Variants in ERC2 observed in about 807,000 individuals in gnomAD.
The protein encoded by ERC2 is ERC protein 2.
In ERC2, 42 loss-of-function variants were observed where a neutral mutation model predicts 114.8. The ratio of observed to expected loss-of-function variants is 0.37; its 90% CI spans 0.29 to 0.47. The LOEUF is 0.47. Among genes scored for constraint, ERC2 ranks in the 20% least tolerant of loss-of-function variants. The pLI, the probability that ERC2 is intolerant of heterozygous loss-of-function variation, is 0.99. For missense variants in ERC2, 939 were observed against 1,150.7 expected, an observed-to-expected ratio of 0.82 and a Z score of 2.66; for synonymous variants, 454 against 425.5, an observed-to-expected ratio of 1.07 and a Z score of -0.82.
At chr3:56,280,748 T>C (rs1215845878) in intron 3 of ERC2, among the ~76,000 whole-genome samples, 1 of 152,212 alleles carries the variant, frequency 6.6e-6, no homozygotes, top group Non-Finnish European at 1.5e-5. Flanking sequence ...ACTATTGCTA[T>C]GGTTATGATA....
chr3:56,253,495 C>T (rs2052318862), intron 3 of ERC2, among the ~76,000 whole-genome samples: 2 of 152,176 alleles, frequency 1.3e-5, no homozygotes, highest in African/African-American at 4.8e-5. Context: ...AGTGGAGTTA[C>T]GGAATCAAAA....
At chr3:56,345,758 A>G (rs2058282763) in intron 2 of ERC2, among the ~76,000 whole-genome samples, 1 of 152,188 alleles carries the variant, frequency 6.6e-6, no homozygotes, top group Non-Finnish European at 1.5e-5. Flanking sequence ...TGTCTTGGAT[A>G]ACCTAATCCC....
chr3:55,805,185 G>A (rs918848919), intron 14 of ERC2, among the ~76,000 whole-genome samples: 1 of 151,914 alleles, frequency 6.6e-6, no homozygotes, highest in African/African-American at 2.4e-5. Flanking sequence ...CAGGCACCAA[G>A]TGTATGTTTT....
At chr3:56,128,023 C>A (rs1408568034) in intron 6 of ERC2, among the ~76,000 whole-genome samples, 1 of 151,946 alleles carries the variant, frequency 6.6e-6, no homozygotes, top group Non-Finnish European at 1.5e-5. Flanking sequence ...TTGCAGTGAG[C>A]TGAGATCGCC....
chr3:55,749,445 C>T (rs945794296), intron 14 of ERC2, among the ~76,000 whole-genome samples: 4 of 152,190 alleles, frequency 2.6e-5, no homozygotes, highest in African/African-American at 9.7e-5. Context: ...GCCAGCTGGA[C>T]TTCCTGGGTT....
intron 14 of ERC2, among the ~76,000 whole-genome samples, chr3:55,805,743 T>A (rs1377000636): frequency 2.6e-5 from 4 of 152,058 alleles, no homozygotes; most frequent in African/African-American, 7.2e-5. Flanking sequence ...CTAAAATAAA[T>A]GGTCCTGATC....
At chr3:56,357,389 G>C (rs2058785778) in intron 2 of ERC2, among the ~76,000 whole-genome samples, 1 of 152,180 alleles carries the variant, frequency 6.6e-6, no homozygotes, top group African/African-American at 2.4e-5. Context: ...TCACAAGCTT[G>C]CCCCAGCAGT....
chr3:56,281,071 T>C (rs2054305048), intron 3 of ERC2, among the ~76,000 whole-genome samples: 1 of 152,230 alleles, frequency 6.6e-6, no homozygotes, highest in African/African-American at 2.4e-5. Flanking sequence ...CAAAAAGCTG[T>C]AACAAATTGT....
chr3:55,633,214 G>A (rs1055037040), intron 17 of ERC2, among the ~76,000 whole-genome samples: 6 of 152,174 alleles, frequency 3.9e-5, no homozygotes, highest in African/African-American at 1.4e-4. Flanking sequence ...ATCCAGGGTA[G>A]AACATAAGGA....
chr3:56,167,951 C>T (rs990730919), intron 4 of ERC2, among the ~76,000 whole-genome samples: 5 of 152,140 alleles, frequency 3.3e-5, no homozygotes, highest in African/African-American at 1.2e-4. Context: ...TCACATAAGC[C>T]ACTCCATCTC....
intron 7 of ERC2, among the ~76,000 whole-genome samples, chr3:56,074,982 G>A (rs576667659): frequency 2.6e-5 from 4 of 152,112 alleles, no homozygotes; most frequent in South Asian, 4.1e-4. Context: ...AGAATTTTGC[G>A]AGAAGCTGGA....
At chr3:55,579,192 C>T (rs2057134671) in intron 17 of ERC2, among the ~76,000 whole-genome samples, 1 of 152,168 alleles carries the variant, frequency 6.6e-6, no homozygotes, top group Admixed American at 6.5e-5. Context: ...AATTAACCTA[C>T]CATATTCTTC....
chr3:56,140,923 C>T (rs1463270799), intron 5 of ERC2, among the ~76,000 whole-genome samples: 1 of 152,112 alleles, frequency 6.6e-6, no homozygotes, highest in Non-Finnish European at 1.5e-5. Flanking sequence ...ACTCGGGAGG[C>T]TGAGGCAGGA....
At chr3:55,855,257 G>A (rs929861604) in intron 14 of ERC2, among the ~76,000 whole-genome samples, 2 of 152,170 alleles carry the variant, frequency 1.3e-5, no homozygotes, top group Non-Finnish European at 2.9e-5. Flanking sequence ...CATCACAAGA[G>A]TGTCTCAGAT....
At chr3:56,320,456 T>C (rs1281784142) in intron 2 of ERC2, among the ~76,000 whole-genome samples, 1 of 152,224 alleles carries the variant, frequency 6.6e-6, no homozygotes, top group Admixed American at 6.5e-5. Context: ...ATGCTTCTAC[T>C]AGCTTGTAAG....
At chr3:55,734,686 G>C (rs1240392979) in intron 15 of ERC2, 85 bp downstream of exon 15, 2 of 1,508,852 alleles carry the variant, frequency 1.3e-6, no homozygotes, top group Admixed American at 4.3e-5. Context: ...GATGGACATG[G>C]GAAAATGAAG....
rs111511122 is a variant in ERC2, at chr3:55,812,632, G to A, written c.2564+75757C>T. Among the ~76,000 whole-genome samples, 746 of 152,318 alleles carry A rather than the reference G, an allele frequency of 4.9e-3. 6 individuals are homozygous for A. The highest frequency in any genetic ancestry group is 0.017 in the African/African-American group (706 of 41,576). ...GGGCAATCAAAGAGAACAGGAGGGAGGATCTACTTAAAAGCGGGGGAAGGG... is the reference window on the plus strand; with the variant it reads ...GGGCAATCAAAGAGAACAGGAGGGAAGATCTACTTAAAAGCGGGGGAAGGG... On this transcript the variant is annotated intron_variant, in intron 14 of 17. Coordinates refer to ENST00000288221, the MANE Select transcript of ERC2 (RefSeq NM_015576.3).
At chr3:56,177,398 A>C (rs1392017958) in intron 3 of ERC2, among the ~76,000 whole-genome samples, 1 of 152,224 alleles carries the variant, frequency 6.6e-6, no homozygotes, top group Non-Finnish European at 1.5e-5. Flanking sequence ...GGAGCATTTG[A>C]TGTCCTCTCA....
chr3:56,260,603 G>A (rs909128377), intron 3 of ERC2, among the ~76,000 whole-genome samples: 45 of 152,094 alleles, frequency 3.0e-4, no homozygotes, highest in African/African-American at 1.0e-3. Context: ...CAGTCAAACC[G>A]AAGATGGCAG....
Sources: gnomAD v4.1 joint callset for allele counts (sites outside exome capture counted in the v4.1 genomes callset) on GRCh38, gnomAD v4.1.1 for gene constraint, MANE v1.5 for transcripts, NCBI Gene and HGNC (gene_info 2026-07-23, HGNC 2026-07-21) for gene names.